The following MIPOL1 variants were observed in gnomAD, a reference collection of about 807,000 sequenced individuals.
MIPOL1 encodes mirror-image polydactyly 1.
A neutral mutation model predicts 60.9 loss-of-function variants in MIPOL1; 57 were observed. That is an observed-to-expected ratio of 0.94 (90% CI 0.76 to 1.17). The LOEUF (loss-of-function observed/expected upper bound fraction) is 1.17. Among genes scored for constraint, MIPOL1 ranks in the 50% most tolerant of loss-of-function variants. The pLI is 0.00. For synonymous variants in MIPOL1, 179 were observed against 168.8 expected (o/e 1.06, Z -0.47); for missense variants, 551 against 511.6 (o/e 1.08, Z -0.74).
At chr14:37,375,827 T>C (rs1595477031) in intron 10 of MIPOL1, among the ~76,000 whole-genome samples, 1 of 152,006 alleles carries the variant, frequency 6.6e-6, no homozygotes, top group East Asian at 1.9e-4. Context: ...GCTCAAGCAG[T>C]TCTCCTGCCT....
chr14:37,444,841 T>G (rs928610922), intron 11 of MIPOL1, among the ~76,000 whole-genome samples: 2 of 152,098 alleles, frequency 1.3e-5, no homozygotes, highest in Non-Finnish European at 1.5e-5. Flanking sequence ...ATTATCTCAA[T>G]AGATGCAGAA....
chr14:37,201,837 CTTG>C (rs1334596886), intron 1 of MIPOL1, among the ~76,000 whole-genome samples: 1 of 152,068 alleles, frequency 6.6e-6, no homozygotes, highest in Admixed American at 6.6e-5. Flanking sequence ...TGTTGTTGTT[CTTG>C]TTGTTGCTTT....
intron 12 of MIPOL1, among the ~76,000 whole-genome samples, chr14:37,541,429 A>G (rs540511216): frequency 1.8e-4 from 28 of 152,314 alleles, no homozygotes; most frequent in Admixed American, 1.6e-3. Flanking sequence ...AGTTACTTCT[A>G]TAACTTGCTT....
intron 11 of MIPOL1, among the ~76,000 whole-genome samples, chr14:37,495,947 T>A (rs1448715987): frequency 1.4e-5 from 2 of 147,220 alleles, no homozygotes; most frequent in African/African-American, 5.0e-5. Flanking sequence ...TGTCTGTTCA[T>A]GTCCTTCGCC....
chr14:37,419,449 A>C (rs780799339), intron 10 of MIPOL1, among the ~76,000 whole-genome samples: 58 of 152,258 alleles, frequency 3.8e-4, no homozygotes, highest in South Asian at 1.2e-3. Context: ...AGAACTATAT[A>C]GTGAAAATGG....
At chr14:37,336,928 T>A (rs1227016372) in intron 9 of MIPOL1, among the ~76,000 whole-genome samples, 1 of 151,526 alleles carries the variant, frequency 6.6e-6, no homozygotes, top group Admixed American at 6.6e-5. Flanking sequence ...ACCCACCCAA[T>A]TTTTTGTATT....
intron 1 of MIPOL1, among the ~76,000 whole-genome samples, chr14:37,220,492 G>A (rs977397819): frequency 1.1e-4 from 17 of 152,122 alleles, no homozygotes; most frequent in African/African-American, 3.9e-4. Flanking sequence ...GCCAGCATGG[G>A]AGTGCAGATA....
chr14:37,456,383 T>C (rs902687466), intron 11 of MIPOL1, among the ~76,000 whole-genome samples: 1 of 152,088 alleles, frequency 6.6e-6, no homozygotes, highest in Non-Finnish European at 1.5e-5. Context: ...TTCATACTTA[T>C]ATTATGGGTA....
chr14:37,379,035 A>G (rs2153506916), intron 10 of MIPOL1, among the ~76,000 whole-genome samples: 1 of 152,168 alleles, frequency 6.6e-6, no homozygotes, highest in East Asian at 1.9e-4. Flanking sequence ...ACAAACTTGG[A>G]TGACTCACGG....
intron 3 of MIPOL1, among the ~76,000 whole-genome samples, chr14:37,266,310 A>C (rs914145473): frequency 2.0e-5 from 3 of 152,206 alleles, no homozygotes; most frequent in Non-Finnish European, 4.4e-5. Context: ...ACATCTGAAG[A>C]TTACTTGTTC....
intron 7 of MIPOL1, among the ~76,000 whole-genome samples, chr14:37,294,069 G>A (rs984116829): frequency 4.6e-5 from 7 of 152,152 alleles, no homozygotes; most frequent in Non-Finnish European, 7.3e-5. Flanking sequence ...CAGTAGGGGC[G>A]GACTGACACC....
At chr14:37,493,172 T>C (rs2095069586) in intron 11 of MIPOL1, among the ~76,000 whole-genome samples, 1 of 151,968 alleles carries the variant, frequency 6.6e-6, no homozygotes, top group Non-Finnish European at 1.5e-5. Flanking sequence ...AGAGAGGAAG[T>C]CAGGAAAAGT....
chr14:37,347,448 G>C (rs1217136446), intron 9 of MIPOL1, among the ~76,000 whole-genome samples: 2 of 152,134 alleles, frequency 1.3e-5, no homozygotes, highest in Non-Finnish European at 2.9e-5. Flanking sequence ...GAATTCACAC[G>C]TAGAGATTGA....
At chr14:37,292,899 G>T (rs1221757148) in intron 7 of MIPOL1, among the ~76,000 whole-genome samples, 1 of 152,166 alleles carries the variant, frequency 6.6e-6, no homozygotes, top group Non-Finnish European at 1.5e-5. Flanking sequence ...ATGGAATTTG[G>T]TAAGACCTCT....
At chr14:37,392,271 T>C (rs1454752419) in intron 10 of MIPOL1, among the ~76,000 whole-genome samples, 1 of 152,120 alleles carries the variant, frequency 6.6e-6, no homozygotes, top group Non-Finnish European at 1.5e-5. Flanking sequence ...GTTTTGAACA[T>C]ATGGATTTTG....
chr14:37,247,957 C>A, intron 3 of MIPOL1, 50 bp downstream of exon 3: 1 of 1,591,852 alleles, frequency 6.3e-7, no homozygotes, highest in Non-Finnish European at 8.6e-7. Context: ...TGTTCTAGTT[C>A]AAGGCACTGA....
intron 11 of MIPOL1, among the ~76,000 whole-genome samples, chr14:37,430,197 T>C (rs558962415): frequency 1.3e-5 from 2 of 152,326 alleles, no homozygotes; most frequent in African/African-American, 4.8e-5. Context: ...ATCTTTGGCA[T>C]TAATCAGATT....
intron 12 of MIPOL1, among the ~76,000 whole-genome samples, chr14:37,509,633 A>G (rs1185382425): frequency 6.6e-6 from 1 of 151,536 alleles, no homozygotes; most frequent in Non-Finnish European, 1.5e-5. Context: ...TATAGTTTAT[A>G]TATGTATATA....
intron 9 of MIPOL1, among the ~76,000 whole-genome samples, chr14:37,347,112 T>G (rs1288249628): frequency 2.0e-5 from 3 of 152,072 alleles, no homozygotes; most frequent in African/African-American, 7.2e-5. Context: ...AAAAGGAATG[T>G]CTACTAAAGA....
Sources: allele counts gnomAD v4.1 joint callset (sites outside exome capture counted in the v4.1 genomes callset), GRCh38; gene constraint gnomAD v4.1.1; transcripts MANE v1.5; gene names NCBI Gene and HGNC (gene_info 2026-07-23, HGNC 2026-07-21).